Variants in FHIT observed in about 807,000 individuals in gnomAD.
The protein encoded by FHIT is fragile histidine triad diadenosine triphosphatase, also known as bis(5'-adenosyl)-triphosphatase.
A neutral mutation model predicts 17.9 loss-of-function variants in FHIT; 19 were observed. The observed-to-expected ratio is 1.06, with a 90% CI of 0.74 to 1.56. FHIT has a LOEUF of 1.56. Ranked by LOEUF, FHIT falls within the 40% of genes most tolerant of loss-of-function variation. FHIT has a pLI of 0.00. For missense variants in FHIT, 248 were observed against 189.2 expected, an observed-to-expected ratio of 1.31 and a Z score of -1.82; for synonymous variants, 81 against 69.7, an observed-to-expected ratio of 1.16 and a Z score of -0.81.
intron 5 of FHIT, among the ~76,000 whole-genome samples, chr3:60,034,695 T>C (rs1461093095): frequency 6.6e-6 from 1 of 152,226 alleles, no homozygotes; most frequent in African/African-American, 2.4e-5. Context: ...ATTGAATCTT[T>C]GAAGATTACA....
chr3:61,101,725 T>G (rs530056967), intron 2 of FHIT, among the ~76,000 whole-genome samples: 1 of 152,318 alleles, frequency 6.6e-6, no homozygotes, highest in African/African-American at 2.4e-5. Context: ...CCTCTTTTAT[T>G]TTGTTGAGCA....
At chr3:60,711,425 G>A (rs1230594452) in intron 4 of FHIT, among the ~76,000 whole-genome samples, 1 of 152,204 alleles carries the variant, frequency 6.6e-6, no homozygotes, top group African/African-American at 2.4e-5. Flanking sequence ...GCTGGACAGA[G>A]AATGACTTTG....
intron 7 of FHIT, among the ~76,000 whole-genome samples, chr3:59,957,728 T>C (rs528307986): frequency 4.6e-5 from 7 of 152,356 alleles, no homozygotes; most frequent in African/African-American, 1.7e-4. Context: ...TGATTAGCTA[T>C]GAAGATCTGA....
chr3:60,624,855 T>C (rs1553680285), intron 4 of FHIT, among the ~76,000 whole-genome samples: 1 of 152,120 alleles, frequency 6.6e-6, no homozygotes, highest in African/African-American at 2.4e-5. Context: ...ATGCCATGTT[T>C]GTCCATTCAG....
At chr3:60,607,519 C>T (rs1231519436) in intron 4 of FHIT, among the ~76,000 whole-genome samples, 1 of 151,856 alleles carries the variant, frequency 6.6e-6, no homozygotes, top group African/African-American at 2.4e-5. Context: ...CAGAGCAACT[C>T]ATCAGGGTGA....
At chr3:61,226,695 AAGAG>A (rs917858374) in intron 1 of FHIT, among the ~76,000 whole-genome samples, 24 of 152,220 alleles carry the variant, frequency 1.6e-4, no homozygotes, top group African/African-American at 5.8e-4. Flanking sequence ...GAGAAAAGGA[AAGAG>A]AGAGAGAAAG....
At chr3:61,111,321 C>A (rs888083353) in intron 2 of FHIT, among the ~76,000 whole-genome samples, 3 of 152,190 alleles carry the variant, frequency 2.0e-5, no homozygotes, top group African/African-American at 7.2e-5. Context: ...AGCTTGAGAT[C>A]TGGCTCTGTC....
chr3:60,318,307 C>T (rs186442870), intron 5 of FHIT, among the ~76,000 whole-genome samples: 233 of 152,196 alleles, frequency 1.5e-3, no homozygotes, highest in Non-Finnish European at 2.1e-3. Context: ...AAGTCTTGCT[C>T]GATTTCTGAT....
At chr3:59,913,789 A>T (rs557450856) in intron 8 of FHIT, among the ~76,000 whole-genome samples, 8 of 152,314 alleles carry the variant, frequency 5.3e-5, no homozygotes, top group African/African-American at 1.9e-4. Context: ...TAAGATACTG[A>T]GATTTAAATA....
At chr3:60,160,195 G>C (rs1700880483) in intron 5 of FHIT, among the ~76,000 whole-genome samples, 2 of 151,948 alleles carry the variant, frequency 1.3e-5, no homozygotes, top group South Asian at 4.1e-4. Flanking sequence ...AAAATGCCTT[G>C]GTTAAGAAAG....
intron 2 of FHIT, among the ~76,000 whole-genome samples, chr3:61,119,865 C>T (rs1332431168): frequency 6.6e-6 from 1 of 152,212 alleles, no homozygotes; most frequent in Non-Finnish European, 1.5e-5. Flanking sequence ...ATCAGGTCTC[C>T]TGGTTTTCAG....
chr3:60,119,195 T>G (rs1051722638), intron 5 of FHIT, among the ~76,000 whole-genome samples: 3 of 151,816 alleles, frequency 2.0e-5, no homozygotes, highest in Non-Finnish European at 4.4e-5. Flanking sequence ...TGCCTCAGCC[T>G]CTCAAGTAGC....
At chr3:61,065,571 C>T (rs2034576970) in intron 2 of FHIT, among the ~76,000 whole-genome samples, 1 of 152,104 alleles carries the variant, frequency 6.6e-6, no homozygotes, top group African/African-American at 2.4e-5. Context: ...TACTGCGCTT[C>T]CCCAAAACTA....
intron 5 of FHIT, among the ~76,000 whole-genome samples, chr3:60,266,914 T>C (rs1176024495): frequency 1.3e-5 from 2 of 152,050 alleles, no homozygotes; most frequent in Non-Finnish European, 2.9e-5. Context: ...AAGAAAATTA[T>C]TACATCCAGA....
At chr3:60,840,475 G>C (rs1465467739) in intron 3 of FHIT, among the ~76,000 whole-genome samples, 3 of 152,148 alleles carry the variant, frequency 2.0e-5, no homozygotes, top group Non-Finnish European at 4.4e-5. Flanking sequence ...TTCCTACAAA[G>C]TCCCCAGTTT....
chr3:60,015,886 C>T (rs1289776365), intron 5 of FHIT, among the ~76,000 whole-genome samples: 4 of 152,052 alleles, frequency 2.6e-5, no homozygotes, highest in Non-Finnish European at 1.5e-5. Context: ...TATTGTTTGT[C>T]AATTTTGCTT....
At chr3:60,173,915 A>ATATATATATATATATATATAT in intron 5 of FHIT, among the ~76,000 whole-genome samples, 1 of 66,442 alleles carries the variant, frequency 1.5e-5, no homozygotes, top group Non-Finnish European at 2.8e-5. Context: ...ATATATATAT[A>ATATATATATATATATATATAT]TGTTTTTTTT....
intron 5 of FHIT, among the ~76,000 whole-genome samples, chr3:60,101,324 A>G (rs143705912): frequency 1.3e-5 from 2 of 151,994 alleles, no homozygotes; most frequent in African/African-American, 4.8e-5. Flanking sequence ...TCTCCCTCAC[A>G]CCTCCTGCAC....
At chr3:60,607,002 G>T (rs950939880) in intron 4 of FHIT, among the ~76,000 whole-genome samples, 1 of 151,976 alleles carries the variant, frequency 6.6e-6, no homozygotes, top group Non-Finnish European at 1.5e-5. Flanking sequence ...TACATTGAGA[G>T]GCTGCTCATT....
Sources: gnomAD v4.1 joint callset for allele counts (sites outside exome capture counted in the v4.1 genomes callset) on GRCh38, gnomAD v4.1.1 for gene constraint, MANE v1.5 for transcripts, NCBI Gene and HGNC (gene_info 2026-07-23, HGNC 2026-07-21) for gene names.